Variants in AGPAT5 observed in about 807,000 individuals in gnomAD.
The protein encoded by AGPAT5 is 1-acyl-sn-glycerol-3-phosphate acyltransferase epsilon.
Under a neutral mutation model 45.6 loss-of-function variants are expected in AGPAT5, and 46 were observed. The observed-to-expected ratio is 1.01, with a 90% CI of 0.80 to 1.29. The LOEUF is 1.29. AGPAT5 is among the 50% of genes most tolerant of loss of function. AGPAT5 has a pLI of 0.00. For missense variants in AGPAT5, 673 were observed against 450.7 expected (o/e 1.49, Z -4.47); for synonymous variants, 272 against 167.0 (o/e 1.63, Z -4.85).
intron 1 of AGPAT5, among the ~76,000 whole-genome samples, chr8:6,717,184 C>G (rs1297372506): frequency 6.6e-6 from 1 of 152,158 alleles, no homozygotes; most frequent in African/African-American, 2.4e-5. Flanking sequence ...ATTTTTGAGC[C>G]TATGCAATTC....
intron 6 of AGPAT5, among the ~76,000 whole-genome samples, chr8:6,753,987 G>A (rs143786231): frequency 2.0e-5 from 3 of 152,266 alleles, no homozygotes; most frequent in Non-Finnish European, 2.9e-5. Context: ...CTCGGACGGT[G>A]GAGTGTAGAA....
At chr8:6,738,181 C>T (rs1336532918) in intron 4 of AGPAT5, among the ~76,000 whole-genome samples, 1 of 151,872 alleles carries the variant, frequency 6.6e-6, no homozygotes, top group Non-Finnish European at 1.5e-5. Context: ...CCTTGGCTTT[C>T]AACATACCTT....
chr8:6,724,708 C>A (rs2911978), intron 1 of AGPAT5, among the ~76,000 whole-genome samples, 162 bp from the exon 2 acceptor site: 112,616 of 152,158 alleles, frequency 0.74, 42,667 homozygotes, highest in African/African-American at 0.9. Flanking sequence ...TCTGTACCTG[C>A]GCTATTTATG....
At chr8:6,736,398 G>C (rs1801055075) in intron 4 of AGPAT5, among the ~76,000 whole-genome samples, 1 of 152,098 alleles carries the variant, frequency 6.6e-6, no homozygotes, top group Non-Finnish European at 1.5e-5. Flanking sequence ...TGTGGTTTTT[G>C]TCAAATCTGT....
At chr8:6,737,469 A>G (rs1212473205) in intron 4 of AGPAT5, among the ~76,000 whole-genome samples, 1 of 152,220 alleles carries the variant, frequency 6.6e-6, no homozygotes, top group East Asian at 1.9e-4. Flanking sequence ...ATATATTTGT[A>G]TTATAAGTTG....
chr8:6,745,595 G>C (rs1587054442), intron 5 of AGPAT5, among the ~76,000 whole-genome samples: 1 of 152,172 alleles, frequency 6.6e-6, no homozygotes, highest in South Asian at 2.1e-4. Flanking sequence ...AATTTTTCTT[G>C]TTGAAGATAA....
chr8:6,742,873 CTT>C (rs1448047372), intron 5 of AGPAT5, among the ~76,000 whole-genome samples: 4 of 152,286 alleles, frequency 2.6e-5, no homozygotes, highest in African/African-American at 9.6e-5. Flanking sequence ...TGCCAGCTCT[CTT>C]TTGACTTTCA....
intron 6 of AGPAT5, among the ~76,000 whole-genome samples, chr8:6,748,308 A>C (rs925400879): frequency 1.3e-5 from 2 of 152,176 alleles, no homozygotes; most frequent in East Asian, 3.8e-4. Context: ...CTATTGTCAG[A>C]TATAACCAGA....
intron 5 of AGPAT5, among the ~76,000 whole-genome samples, 161 bp downstream of exon 5, chr8:6,741,912 C>G (rs539807263): frequency 6.6e-6 from 1 of 152,248 alleles, no homozygotes; most frequent in Non-Finnish European, 1.5e-5. Flanking sequence ...GAAGTTTCTT[C>G]TCCTTAATTC....
intron 1 of AGPAT5, chr8:6,709,122 C>T: frequency 1.7e-6 from 1 of 586,774 alleles, no homozygotes; most frequent in Admixed American, 2.9e-5. Flanking sequence ...CCCGCCGCCC[C>T]TTTCCCCGCC....
intron 4 of AGPAT5, among the ~76,000 whole-genome samples, chr8:6,737,535 A>G (rs906428801): frequency 6.6e-6 from 1 of 152,226 alleles, no homozygotes; most frequent in African/African-American, 2.4e-5. Flanking sequence ...TTCTTAAGGA[A>G]CTTATTGGTT....
intron 4 of AGPAT5, among the ~76,000 whole-genome samples, chr8:6,736,909 T>G (rs560182076): frequency 2.0e-5 from 3 of 152,278 alleles, no homozygotes; most frequent in African/African-American, 4.8e-5. Flanking sequence ...CTTCATCTTA[T>G]GAGTCTTGTA....
chr8:6,734,762 C>G (rs62497309), intron 4 of AGPAT5, among the ~76,000 whole-genome samples: 1 of 151,446 alleles, frequency 6.6e-6, no homozygotes, highest in African/African-American at 2.4e-5. Context: ...TCTGCTTGGC[C>G]TTTAGTGTTG....
At chr8:6,734,826 T>A (rs1800990030) in intron 4 of AGPAT5, among the ~76,000 whole-genome samples, 1 of 152,108 alleles carries the variant, frequency 6.6e-6, no homozygotes, top group Non-Finnish European at 1.5e-5. Flanking sequence ...TTTGCTCATG[T>A]GCTTTTTCTC....
intron 4 of AGPAT5, among the ~76,000 whole-genome samples, chr8:6,739,707 A>G (rs1025214495): frequency 6.6e-6 from 1 of 152,086 alleles, no homozygotes; most frequent in Non-Finnish European, 1.5e-5. Context: ...TAGAAATAAC[A>G]GTTTTACTTT....
chr8:6,726,376 C>G (rs1211271717), intron 2 of AGPAT5, among the ~76,000 whole-genome samples: 1 of 152,184 alleles, frequency 6.6e-6, no homozygotes, highest in Non-Finnish European at 1.5e-5. Context: ...GTAGAGTTGT[C>G]TGTTTAACAG....
In AGPAT5 at chr8:6,747,583, G is replaced by A. The variant is rs2272772; in HGVS notation, c.587-87G>A. The stretch of plus-strand genomic sequence containing the variant: ...AATAGATTCTGTTGTGTGTGTTTGA[G>A]GGAATTTAAAAATAATTTAGATGTT... On this transcript the variant is annotated intron_variant, in intron 5 of 7. Transcript: ENST00000285518. 0.012 allele frequency: 15,281 copies of A among 1,250,550 alleles called. 556 individuals are homozygous for A. The highest frequency in any genetic ancestry group is 0.11 in the African/African-American group (7,371 of 66,608). The allele number at this position is 1,250,550 out of a possible 1,614,324, so 77.5% of individuals were successfully genotyped here. A position where few individuals can be genotyped will look rare whatever the true frequency, so the allele number is the denominator to read the frequency against.
chr8:6,750,589 C>A (rs1390735270), intron 6 of AGPAT5, among the ~76,000 whole-genome samples: 2 of 152,056 alleles, frequency 1.3e-5, no homozygotes, highest in African/African-American at 4.8e-5. Flanking sequence ...TTCCTTCTTG[C>A]GTAAAGTGCA....
chr8:6,747,863 C>T (rs748251333), intron 6 of AGPAT5, 35 bp downstream of exon 6: 22 of 1,601,714 alleles, frequency 1.4e-5, no homozygotes, highest in Admixed American at 5.1e-5. Flanking sequence ...TGCCTGTACA[C>T]GGTATATACA....
Sources: allele counts gnomAD v4.1 joint callset (sites outside exome capture counted in the v4.1 genomes callset), GRCh38; gene constraint gnomAD v4.1.1; transcripts MANE v1.5; gene names NCBI Gene and HGNC (gene_info 2026-07-23, HGNC 2026-07-21).